CDC42BPG: variants seen among roughly 807,000 people sequenced by gnomAD.
CDC42BPG encodes serine/threonine-protein kinase MRCK gamma.
CDC42BPG carries 157 observed loss-of-function variants against 192.2 expected under a neutral mutation model. The ratio of observed to expected loss-of-function variants is 0.82; its 90% CI spans 0.72 to 0.93. The LOEUF (loss-of-function observed/expected upper bound fraction) is 0.93, where lower values mean the gene tolerates loss of function less well. Ranked by LOEUF, CDC42BPG falls within the 40% of genes least tolerant of loss-of-function variation. The probability of loss-of-function intolerance (pLI) is 0.00; values close to 1 mark genes in which losing one functional copy is unlikely to be tolerated. For synonymous variants in CDC42BPG, 981 were observed against 918.5 expected (o/e 1.07, Z -1.23); for missense variants, 1,992 against 2,122.1 (o/e 0.94, Z 1.20).
In CDC42BPG at chr11:64,827,087, G is replaced by A; in HGVS notation, c.4352C>T (p.Pro1451Leu). ...CCTGGCGCCGGGCCGCCCGTTGGCA[G>A]GGCCCACGTGTACTAGGTGGTTGAA... ...TNFNHLVHVG[P>L]ANGRPGARDK... Residue 1451 changes from proline (P) to leucine (L), a missense_variant, in exon 34 of 37, where the codon CCT becomes CTT. Physicochemically the swap from Pro to Leu is moderately conservative, Grantham distance 98. Around this residue, in one of 2 missense-constraint regions of CDC42BPG, gnomAD observed 336 missense variants for 277.9 expected, o/e 1.21. Transcript: ENST00000342711. 6.2e-7 allele frequency: 1 copy of A among 1,613,758 alleles called. No homozygotes were observed. Among genetic ancestry groups the A allele is most frequent in the Non-Finnish European group, 8.5e-7 (1 of 1,179,642 alleles).
chr11:64,828,376 C>A (rs1270149543), intron 30 of CDC42BPG, among the ~76,000 whole-genome samples: 1 of 152,188 alleles, frequency 6.6e-6, no homozygotes, highest in East Asian at 1.9e-4. Flanking sequence ...GATGAGGAAA[C>A]CAGCCCCGGC....
At chr11:64,838,337 G>A (rs917894236) in intron 8 of CDC42BPG, among the ~76,000 whole-genome samples, 175 bp from the exon 9 acceptor site, 20 of 152,194 alleles carry the variant, frequency 1.3e-4, no homozygotes, top group Non-Finnish European at 2.1e-4. Context: ...AGGAGCTGCT[G>A]GGAGTTTTCT....
At chr11:64,833,447 A>C in intron 23 of CDC42BPG, 111 bp from the exon 24 acceptor site, 1 of 967,424 alleles carries the variant, frequency 1.0e-6, no homozygotes, top group Non-Finnish European at 1.5e-6. Flanking sequence ...TCCGAGTCCC[A>C]GCCAATCTAT....
In CDC42BPG at chr11:64,836,910, C is replaced by T. The variant is rs143111451; in HGVS notation, c.1303+12G>A. 2,125 of 1,613,098 alleles carry T rather than the reference C, an allele frequency of 1.3e-3. 30 individuals carry two copies. The African/African-American group carries it at 0.025, about 19-fold the overall frequency. Reference sequence around the variant, plus strand: ...CCAGCACACCCAGGCCCGGCCCAGCCGCTCCCAGTACCTTGGTGCTTCCTG... The same window carrying T: ...CCAGCACACCCAGGCCCGGCCCAGCTGCTCCCAGTACCTTGGTGCTTCCTG... On this transcript the variant is annotated intron_variant, in intron 10 of 36. Coordinates refer to ENST00000342711, the MANE Select transcript of CDC42BPG (RefSeq NM_017525.3).
In CDC42BPG at chr11:64,838,117, G is replaced by A; in HGVS notation, c.1171C>T (p.Leu391=). ...PSHGAFSGHH[L]PFVGFTYTSG... Reference sequence around the variant, plus strand: ...GTGTAGGTGAAGCCCACGAATGGCAGGTGATGGCCGGAGAAGGCCCCGTGG... The same window carrying A: ...GTGTAGGTGAAGCCCACGAATGGCAAGTGATGGCCGGAGAAGGCCCCGTGG... The change falls in exon 9 of 37, where the codon CTG becomes TTG. Residue 391 remains leucine (L), a synonymous_variant. Transcript: ENST00000342711. 6.4e-7 allele frequency: 1 copy of A among 1,553,570 alleles called. No individual in the cohort carries two copies. Among genetic ancestry groups the A allele is most frequent in the African/African-American group, 1.4e-5 (1 of 73,398 alleles).
chr11:64,824,777 C>T (rs1467698158), intron 36 of CDC42BPG, among the ~76,000 whole-genome samples: 1 of 152,014 alleles, frequency 6.6e-6, no homozygotes, highest in African/African-American at 2.4e-5. Flanking sequence ...CAGAGTCTTG[C>T]TCTGTCGCCT....
At position 64,830,017 on chromosome 11, in the gene CDC42BPG, T is replaced by G; in HGVS notation, c.3421A>C (p.Ser1141Arg). Reference protein sequence around the residue: ...RRVQQLTLSPSAGLLVVLCGR... With the variant: ...RRVQQLTLSPRAGLLVVLCGR... Reference sequence around the variant, plus strand: ...CACAGCACGACCAGCAGGCCTGCACTGGGGCTCAAGGTCAGCTGCTGCACG... The same window carrying G: ...CACAGCACGACCAGCAGGCCTGCACGGGGGCTCAAGGTCAGCTGCTGCACG... Residue 1141 changes from serine to arginine, a missense_variant, in exon 30 of 37, where the codon AGT becomes CGT. Coordinates refer to ENST00000342711, the MANE Select transcript of CDC42BPG (RefSeq NM_017525.3). The G allele has an allele frequency of 6.8e-6, 11 of 1,612,378 alleles. No individual in the cohort carries two copies. The highest frequency in any genetic ancestry group is 9.3e-6 in the Non-Finnish European group (11 of 1,179,298).
chr11:64,842,594 A>C (rs1279227779), intron 1 of CDC42BPG, among the ~76,000 whole-genome samples: 1 of 152,212 alleles, frequency 6.6e-6, no homozygotes, highest in East Asian at 1.9e-4. Context: ...GTGAGTGCTC[A>C]GGATGCCTCC....
rs750206389 is a variant in CDC42BPG, at chr11:64,829,802, A to G, written c.3636T>C (p.Pro1212=). 1.2e-5 allele frequency: 20 copies of G among 1,603,016 alleles called. No individual in the cohort carries two copies. Among genetic ancestry groups the G allele is most frequent in the African/African-American group, 2.7e-5 (2 of 74,322 alleles). ...CACGGATGCGGCGCTGCCAGGGCCC[A>G]GGGCCCGGGCCCAGCTGGTAGCAGA... is the stretch of plus-strand genomic sequence containing the variant. ...QVLCYQLGPG[P]GPWQRRIREL... Residue 1212 remains proline, a synonymous_variant, in exon 30 of 37, where the codon CCT becomes CCC. Coordinates refer to ENST00000342711, the MANE Select transcript of CDC42BPG (RefSeq NM_017525.3).
Position 64,844,408 on chromosome 11 carries a change from A to T in CDC42BPG, c.160+2T>A. ...CCCGCTCCGTGCCGCCCCGCCACTCACCCCAGCTCAGGAACTGCGCCACGC... is the reference window on the plus strand; with the variant it reads ...CCCGCTCCGTGCCGCCCCGCCACTCTCCCCAGCTCAGGAACTGCGCCACGC... On this transcript the variant is annotated splice_donor_variant, in intron 1 of 36. Coordinates refer to ENST00000342711, the MANE Select transcript of CDC42BPG (RefSeq NM_017525.3). LOFTEE classifies it high-confidence loss of function. 2.1e-6 allele frequency: 3 copies of T among 1,442,624 alleles called. No individual in the cohort carries two copies. The allele number at this position is 1,442,624 out of a possible 1,614,324, so 89.4% of individuals were successfully genotyped here.
chr11:64,836,710 G>GCA (rs71049666), intron 11 of CDC42BPG, 29 bp downstream of exon 11: 3 of 704,804 alleles, frequency 4.3e-6, no homozygotes, highest in Non-Finnish European at 4.1e-6. Flanking sequence ...CAGCCCTGGG[G>GCA]GGGGGGGGGG....
At chr11:64,842,340 C>T (rs1943317673) in intron 1 of CDC42BPG, among the ~76,000 whole-genome samples, 1 of 152,188 alleles carries the variant, frequency 6.6e-6, no homozygotes, top group South Asian at 2.1e-4. Flanking sequence ...GGGTGACATT[C>T]CTTATCCCCA....
At chr11:64,834,029 G>C (rs1376024268) in intron 20 of CDC42BPG, 52 bp from the exon 21 acceptor site, 3 of 1,608,710 alleles carry the variant, frequency 1.9e-6, no homozygotes, top group Admixed American at 1.7e-5. Flanking sequence ...TGAGGAACTA[G>C]GGTCCAGGAG....
chr11:64,824,552 T>A (rs772268146), intron 36 of CDC42BPG, 23 bp from the exon 37 acceptor site: 1 of 1,572,608 alleles, frequency 6.4e-7, no homozygotes. Flanking sequence ...GAAAAGGAAG[T>A]CAAGGGGTAG....
At position 64,829,991 on chromosome 11, in the gene CDC42BPG, A is replaced by G; in HGVS notation, c.3447T>C (p.Cys1149=). Residue 1149 remains cysteine, a synonymous_variant, in exon 30 of 37, where the codon TGT becomes TGC. Coordinates refer to ENST00000342711, the MANE Select transcript of CDC42BPG (RefSeq NM_017525.3). ...SPSAGLLVVL[C]GRGPSVRLFA... is the part of the protein sequence containing the mutation. ...AGAGACGCACGCTGGGGCCGCGGCC[A>G]CACAGCACGACCAGCAGGCCTGCAC... is the stretch of plus-strand genomic sequence containing the variant. The G allele has an allele frequency of 1.9e-6, 3 of 1,612,940 alleles. No individual in the cohort carries two copies. The highest frequency in any genetic ancestry group is 2.5e-6 in the Non-Finnish European group (3 of 1,179,882).
chr11:64,833,911 G>C lies in CDC42BPG; in HGVS notation c.2466+14C>G. 1.2e-6 allele frequency: 2 copies of C among 1,614,220 alleles called. No individual in the cohort carries two copies. The highest frequency in any genetic ancestry group is 1.7e-6 in the Non-Finnish European group (2 of 1,180,026). ...AGAACTTCTCCCCAACAAGCCCCTT[G>C]GCCTGGTCCTTACCTCTGAGCTCCG... On this transcript the variant is annotated intron_variant, in intron 21 of 36. Transcript: ENST00000342711.
chr11:64,826,978 G>C (rs1012556662), intron 34 of CDC42BPG, 72 bp downstream of exon 34: 1 of 1,238,784 alleles, frequency 8.1e-7, no homozygotes, highest in Non-Finnish European at 1.2e-6. Flanking sequence ...TGATTGGCTA[G>C]AGCTCACCAC....
rs556354474 is a variant in CDC42BPG, at chr11:64,833,540, C to A, written c.2625+60G>T. On this transcript the variant is annotated intron_variant, in intron 23 of 36. Transcript: ENST00000342711. The stretch of plus-strand genomic sequence containing the variant: ...TGCACGTGGAGTGTCCCCACAGTGC[C>A]CATTCAGCCTGGCAGAACTGCTTGG... 8.9e-5 allele frequency: 131 copies of A among 1,476,876 alleles called. 2 individuals carry two copies. In the South Asian group the frequency reaches 1.6e-3, roughly 18 times the overall value. The allele number at this position is 1,476,876 out of a possible 1,614,324, so 91.5% of individuals were successfully genotyped here. A position where few individuals can be genotyped will look rare whatever the true frequency, so the allele number is the denominator to read the frequency against.
At chr11:64,844,356 T>G in intron 1 of CDC42BPG, 54 bp downstream of exon 1, 1 of 1,324,844 alleles carries the variant, frequency 7.5e-7, no homozygotes, top group Non-Finnish European at 9.7e-7. Context: ...GGTGCGGGGG[T>G]CTCGGCGCGA....
Sources: gnomAD v4.1 joint callset for allele counts (sites outside exome capture counted in the v4.1 genomes callset) on GRCh38, gnomAD v4.1.1 for gene constraint, gnomAD v4.1.1 regional missense constraint, MANE v1.5 for transcripts, NCBI Gene and HGNC (gene_info 2026-07-23, HGNC 2026-07-21) for gene names.